The following PTPN5 variants were observed in gnomAD, a reference collection of about 807,000 sequenced individuals.
PTPN5 encodes tyrosine-protein phosphatase non-receptor type 5.
In PTPN5, 29 loss-of-function variants were observed where a neutral mutation model predicts 73.9. The ratio of observed to expected loss-of-function variants is 0.39; its 90% CI spans 0.29 to 0.54. PTPN5 has a LOEUF of 0.54. PTPN5 is among the 20% of genes least tolerant of loss of function. PTPN5 has a pLI of 0.65. For synonymous variants in PTPN5, 267 were observed against 304.7 expected (o/e 0.88, Z 1.29); for missense variants, 652 against 751.4 (o/e 0.87, Z 1.55).
intron 1 of PTPN5, among the ~76,000 whole-genome samples, chr11:18,780,122 G>A (rs1413109195): frequency 3.3e-5 from 5 of 152,218 alleles, no homozygotes; most frequent in Admixed American, 3.3e-4. Context: ...ACAAAGGTCT[G>A]CTTCCTATTT....
intron 1 of PTPN5, among the ~76,000 whole-genome samples, chr11:18,779,560 G>C (rs1851326206): frequency 6.6e-6 from 1 of 152,126 alleles, no homozygotes. Context: ...CTCTGCAGGA[G>C]CTATAGGCAC....
chr11:18,746,102 T>G (rs575252487), intron 3 of PTPN5, among the ~76,000 whole-genome samples: 1 of 148,378 alleles, frequency 6.7e-6, no homozygotes, highest in Non-Finnish European at 1.5e-5. Context: ...TTTTACTCAG[T>G]TTTTTTTGCC....
At chr11:18,758,681 T>A (rs1432719863) in intron 3 of PTPN5, among the ~76,000 whole-genome samples, 2 of 152,152 alleles carry the variant, frequency 1.3e-5, no homozygotes, top group Non-Finnish European at 2.9e-5. Flanking sequence ...ATGAGTTTTT[T>A]TTTTTTTTCT....
intron 7 of PTPN5, among the ~76,000 whole-genome samples, chr11:18,741,932 C>T (rs932178545): frequency 2.0e-5 from 3 of 152,192 alleles, no homozygotes; most frequent in Non-Finnish European, 4.4e-5. Context: ...CACATACTGC[C>T]CCCTTGCTGA....
chr11:18,791,038 G>C (rs965919586), intron 1 of PTPN5, among the ~76,000 whole-genome samples: 7 of 152,174 alleles, frequency 4.6e-5, no homozygotes, highest in African/African-American at 1.2e-4. Context: ...CGCTAAGCTT[G>C]TATTCTAGGG....
At chr11:18,771,256 C>A (rs985255064) in intron 2 of PTPN5, among the ~76,000 whole-genome samples, 1 of 152,212 alleles carries the variant, frequency 6.6e-6, no homozygotes, top group Non-Finnish European at 1.5e-5. Context: ...CACCTGACAT[C>A]TCTATTCGCT....
intron 1 of PTPN5, among the ~76,000 whole-genome samples, chr11:18,774,404 T>C (rs765872573): frequency 1.3e-5 from 2 of 152,208 alleles, no homozygotes; most frequent in African/African-American, 2.4e-5. Context: ...CCCAGGACCA[T>C]GTGCCCTCCC....
At chr11:18,763,924 T>C (rs2403299) in intron 3 of PTPN5, among the ~76,000 whole-genome samples, 1,735 of 152,318 alleles carry the variant, frequency 0.011, 33 homozygotes, top group African/African-American at 0.039. Flanking sequence ...CCAAATCCCA[T>C]GCTCTTTCTT....
chr11:18,738,843 G>A (rs1352128333), intron 8 of PTPN5, among the ~76,000 whole-genome samples: 1 of 151,994 alleles, frequency 6.6e-6, no homozygotes, highest in Non-Finnish European at 1.5e-5. Flanking sequence ...CTGGTGGCGG[G>A]CCCCTGTAAT....
intron 8 of PTPN5, among the ~76,000 whole-genome samples, chr11:18,739,820 C>T (rs1379494254): frequency 6.6e-6 from 1 of 152,212 alleles, no homozygotes; most frequent in Non-Finnish European, 1.5e-5. Flanking sequence ...GCCTCAGCCC[C>T]TTCCTTCCTC....
At chr11:18,786,225 C>T (rs553146751) in intron 1 of PTPN5, among the ~76,000 whole-genome samples, 9 of 150,062 alleles carry the variant, frequency 6.0e-5, no homozygotes, top group Admixed American at 1.3e-4. Flanking sequence ...TTCTTTGAGA[C>T]GGAGTCTCGC....
At chr11:18,786,180 G>A (rs754108035) in intron 1 of PTPN5, among the ~76,000 whole-genome samples, 1 of 148,810 alleles carries the variant, frequency 6.7e-6, no homozygotes, top group African/African-American at 2.5e-5. Flanking sequence ...TGGAGATGAT[G>A]TTAAAGAATG....
intron 2 of PTPN5, among the ~76,000 whole-genome samples, chr11:18,771,488 G>A (rs565273743): frequency 3.3e-5 from 5 of 152,228 alleles, no homozygotes; most frequent in African/African-American, 9.6e-5. Flanking sequence ...CTCTTACTTT[G>A]TTCTGCTGCT....
At chr11:18,791,013 T>C (rs1297240855) in intron 1 of PTPN5, among the ~76,000 whole-genome samples, 4 of 151,358 alleles carry the variant, frequency 2.6e-5, no homozygotes, top group Non-Finnish European at 5.9e-5. Flanking sequence ...AGCAGCATGC[T>C]GGGGGAGGGG....
chr11:18,782,225 CTA>C, intron 1 of PTPN5, among the ~76,000 whole-genome samples: 1 of 152,014 alleles, frequency 6.6e-6, no homozygotes, highest in Admixed American at 6.6e-5. Context: ...ATCTCAAAAA[CTA>C]TGTCTTTTTT....
chr11:18,782,807 T>C (rs1287378554), intron 1 of PTPN5, among the ~76,000 whole-genome samples: 1 of 152,220 alleles, frequency 6.6e-6, no homozygotes, highest in Non-Finnish European at 1.5e-5. Context: ...TTGGTTGTTA[T>C]AATGACTGAA....
chr11:18,783,417 A>G (rs1327494226), intron 1 of PTPN5, among the ~76,000 whole-genome samples: 1 of 152,108 alleles, frequency 6.6e-6, no homozygotes, highest in African/African-American at 2.4e-5. Flanking sequence ...GAAAATACTC[A>G]CCTGACCCCT....
At chr11:18,738,032 T>C in intron 8 of PTPN5, 68 bp from the exon 9 acceptor site, 2 of 1,316,964 alleles carry the variant, frequency 1.5e-6, no homozygotes, top group South Asian at 1.2e-5. Flanking sequence ...CAGGGGCTGC[T>C]GTGCCCCCAA....
chr11:18,775,762 G>A (rs1851118847), intron 1 of PTPN5, among the ~76,000 whole-genome samples: 1 of 152,024 alleles, frequency 6.6e-6, no homozygotes, highest in South Asian at 2.1e-4. Flanking sequence ...AAAACCAAAG[G>A]GCCTGAATGA....
Sources: allele counts gnomAD v4.1 joint callset (sites outside exome capture counted in the v4.1 genomes callset), GRCh38; gene constraint gnomAD v4.1.1; transcripts MANE v1.5; gene names NCBI Gene and HGNC (gene_info 2026-07-23, HGNC 2026-07-21).